KAZN: variants seen among roughly 807,000 people sequenced by gnomAD.
KAZN encodes the protein kazrin.
Under a neutral mutation model 87.4 loss-of-function variants are expected in KAZN, and 40 were observed. The ratio of observed to expected loss-of-function variants is 0.46; its 90% CI spans 0.36 to 0.60. The LOEUF is 0.60. Ranked by LOEUF, KAZN falls within the 20% of genes least tolerant of loss-of-function variation. The pLI is 0.00. For synonymous variants in KAZN, 466 were observed against 458.3 expected (o/e 1.02, Z -0.22); for missense variants, 898 against 1,073.9 (o/e 0.84, Z 2.29).
intron 2 of KAZN, among the ~76,000 whole-genome samples, chr1:14,409,976 CAG>C (rs1478460564): frequency 2.0e-5 from 3 of 151,948 alleles, no homozygotes; most frequent in Non-Finnish European, 4.4e-5. Flanking sequence ...GCAGATTAAT[CAG>C]ATATGAAAAA....
intron 1 of KAZN, among the ~76,000 whole-genome samples, chr1:14,957,164 C>T (rs1324768257): frequency 1.3e-5 from 2 of 152,136 alleles, no homozygotes; most frequent in Non-Finnish European, 2.9e-5. Context: ...AATGTTTACC[C>T]GGAATGAGAG....
At chr1:14,115,247 C>G (rs1298284177) in intron 1 of KAZN, among the ~76,000 whole-genome samples, 1 of 152,216 alleles carries the variant, frequency 6.6e-6, no homozygotes, top group Non-Finnish European at 1.5e-5. Flanking sequence ...TCTTATGCAG[C>G]CACAAATCAC....
Position 14,720,706 on chromosome 1 carries a change from T to C in KAZN, c.226+121483T>C, listed in dbSNP as rs571445564. Among the ~76,000 whole-genome samples, 202 of 152,330 alleles carry C rather than the reference T, an allele frequency of 1.3e-3. 1 individual carries two copies. Among genetic ancestry groups the C allele is most frequent in the African/African-American group, 4.5e-3 (186 of 41,588 alleles). The stretch of plus-strand genomic sequence containing the variant: ...ATCGGCAGGCTTTCCTGTTTTCATT[T>C]GCTGCTTCCTCGTCACTTTTTCTTT... On this transcript the variant is annotated intron_variant, in intron 1 of 14. Coordinates refer to ENST00000376030, the MANE Select transcript of KAZN (RefSeq NM_201628.3).
intron 2 of KAZN, among the ~76,000 whole-genome samples, chr1:14,476,798 G>A (rs1668750249): frequency 6.6e-6 from 1 of 152,138 alleles, no homozygotes; most frequent in African/African-American, 2.4e-5. Flanking sequence ...GCACCCACAG[G>A]ATCTGATTCC....
At chr1:14,298,947 G>A (rs2100772010) in intron 2 of KAZN, among the ~76,000 whole-genome samples, 1 of 152,346 alleles carries the variant, frequency 6.6e-6, no homozygotes, top group Non-Finnish European at 1.5e-5. Flanking sequence ...AGTCTGGCCT[G>A]TGAGCAGGAC....
At position 14,092,481 on chromosome 1, in the gene KAZN, C is replaced by G. The variant is rs937684658; in HGVS notation, c.92-87954C>G. 1.3e-4 allele frequency among the ~76,000 whole-genome samples: 19 copies of G among 150,456 alleles called. 1 individual carries two copies. The highest frequency in any genetic ancestry group is 1.1e-3 in the Admixed American group (16 of 15,076). On this transcript the variant is annotated intron_variant, in intron 1 of 16. Transcript: ENST00000636203. The stretch of plus-strand genomic sequence containing the variant: ...TAAATTATATATATATACACACACA[C>G]AACACACACATATTTTCACATGTGT...
chr1:14,506,911 T>C (rs919755672), intron 2 of KAZN, among the ~76,000 whole-genome samples: 2 of 152,152 alleles, frequency 1.3e-5, no homozygotes, highest in Non-Finnish European at 2.9e-5. Context: ...GCTGTCTGTA[T>C]TGGTTCCAAA....
chr1:14,049,216 C>CA (rs975839794), intron 1 of KAZN, among the ~76,000 whole-genome samples: 3 of 150,454 alleles, frequency 2.0e-5, no homozygotes, highest in South Asian at 2.1e-4. Context: ...ATTGCAAGGA[C>CA]AAAAAAACCA....
At chr1:14,933,068 C>T (rs1022682159) in intron 1 of KAZN, among the ~76,000 whole-genome samples, 9 of 152,074 alleles carry the variant, frequency 5.9e-5, no homozygotes, top group African/African-American at 1.9e-4. Flanking sequence ...TAGGATCACA[C>T]CGTAGTTGCA....
intron 1 of KAZN, among the ~76,000 whole-genome samples, chr1:14,030,523 A>T (rs1641275914): frequency 6.6e-6 from 1 of 152,080 alleles, no homozygotes; most frequent in African/African-American, 2.4e-5. Context: ...TGGCACATGT[A>T]TACATATGTA....
chr1:14,070,703 G>T (rs941653136), intron 1 of KAZN, among the ~76,000 whole-genome samples: 6 of 152,168 alleles, frequency 3.9e-5, no homozygotes, highest in African/African-American at 1.4e-4. Flanking sequence ...GGCTTTCAAG[G>T]TTGTGAGCTA....
rs571496956 is a variant in KAZN at position 14,764,505 on chromosome 1, C to CG, written c.226+165282_226+165283insG. On this transcript the variant is annotated intron_variant, in intron 1 of 14. Coordinates refer to ENST00000376030, the MANE Select transcript of KAZN (RefSeq NM_201628.3). The stretch of plus-strand genomic sequence containing the variant: ...TGTTATCCGCCGCCCCTCTGCCCCC[C>CG]CATAGAACGTAAGCTTTTTAACAAG... Among the ~76,000 whole-genome samples, 1,073 of 151,948 alleles carry CG rather than the reference C, an allele frequency of 7.1e-3. 12 individuals carry two copies. Among genetic ancestry groups the CG allele is most frequent in the South Asian group, 0.051 (246 of 4,804 alleles).
chr1:14,253,237 C>T (rs1446573157), intron 2 of KAZN, among the ~76,000 whole-genome samples: 1 of 151,954 alleles, frequency 6.6e-6, no homozygotes, highest in African/African-American at 2.4e-5. Flanking sequence ...GCTTTTCTGC[C>T]ATATTATTAC....
intron 1 of KAZN, among the ~76,000 whole-genome samples, chr1:13,972,274 T>A (rs1642165250): frequency 7.3e-6 from 1 of 136,768 alleles, no homozygotes; most frequent in African/African-American, 2.9e-5. Context: ...CTTTTTTCTT[T>A]TCTTTTTTTT....
intron 1 of KAZN, among the ~76,000 whole-genome samples, chr1:13,912,399 A>G (rs1639685852): frequency 6.6e-6 from 1 of 152,100 alleles, no homozygotes; most frequent in African/African-American, 2.4e-5. Flanking sequence ...GTGCTGCTTG[A>G]TGGGATCAAT....
chr1:14,893,056 G>C (rs1182100871), intron 1 of KAZN, among the ~76,000 whole-genome samples: 1 of 152,208 alleles, frequency 6.6e-6, no homozygotes, highest in Non-Finnish European at 1.5e-5. Flanking sequence ...ACAGGAGGAA[G>C]TCAAATAATC....
At chr1:14,866,551 G>GCCCC (rs1651482239) in intron 1 of KAZN, among the ~76,000 whole-genome samples, 1 of 152,032 alleles carries the variant, frequency 6.6e-6, no homozygotes, top group Admixed American at 6.6e-5. Flanking sequence ...AACATCTTTT[G>GCCCC]CCCCCGTCTC....
chr1:14,264,200 T>C (rs1053499217), intron 2 of KAZN, among the ~76,000 whole-genome samples: 1 of 152,130 alleles, frequency 6.6e-6, no homozygotes, highest in Non-Finnish European at 1.5e-5. Flanking sequence ...TAAACCTAAG[T>C]CTGCTTCTGA....
chr1:14,392,172 A>G (rs1012538150), intron 2 of KAZN, among the ~76,000 whole-genome samples: 2 of 152,232 alleles, frequency 1.3e-5, no homozygotes, highest in African/African-American at 4.8e-5. Context: ...CCCTGAGCCA[A>G]TGGCTTCAAA....
Sources: gnomAD v4.1 joint callset for allele counts (sites outside exome capture counted in the v4.1 genomes callset) on GRCh38, gnomAD v4.1.1 for gene constraint, MANE v1.5 for transcripts, NCBI Gene and HGNC (gene_info 2026-07-23, HGNC 2026-07-21) for gene names.